CHODL: variants seen among roughly 807,000 people sequenced by gnomAD.
The protein encoded by CHODL is transmembrane protein MT75.
A neutral mutation model predicts 34.5 loss-of-function variants in CHODL; 29 were observed. The ratio of observed to expected loss-of-function variants is 0.84; its 90% CI spans 0.63 to 1.15. The LOEUF (loss-of-function observed/expected upper bound fraction) is 1.15. CHODL is among the 50% of genes most tolerant of loss of function. CHODL has a pLI of 0.00. For missense variants in CHODL, 332 were observed against 332.5 expected (o/e 1.00, Z 0.01); for synonymous variants, 125 against 116.1 (o/e 1.08, Z -0.49).
chr21:18,222,818 G>C (rs1294880887), intron 2 of CHODL, among the ~76,000 whole-genome samples: 2 of 152,114 alleles, frequency 1.3e-5, no homozygotes, highest in Non-Finnish European at 2.9e-5. Flanking sequence ...AGTCTGCTGT[G>C]TGTCTCAAGT....
At chr21:18,071,361 G>T (rs577275602) in intron 2 of CHODL, among the ~76,000 whole-genome samples, 28 of 151,930 alleles carry the variant, frequency 1.8e-4, no homozygotes, top group African/African-American at 6.3e-4. Context: ...TGGCCAGGCT[G>T]GTCTCGAACC....
intron 2 of CHODL, among the ~76,000 whole-genome samples, chr21:18,234,675 G>T (rs2074013002): frequency 6.6e-6 from 1 of 152,002 alleles, no homozygotes; most frequent in African/African-American, 2.4e-5. Context: ...CACAAAGTGG[G>T]TTATCCACAC....
chr21:18,203,920 A>C (rs564586210), intron 2 of CHODL, among the ~76,000 whole-genome samples: 1 of 152,240 alleles, frequency 6.6e-6, no homozygotes, highest in African/African-American at 2.4e-5. Context: ...TTCTTATCTT[A>C]AGTGATTCCC....
At chr21:17,953,933 C>A (rs1306527496) in intron 1 of CHODL, among the ~76,000 whole-genome samples, 2 of 152,080 alleles carry the variant, frequency 1.3e-5, no homozygotes, top group Non-Finnish European at 1.5e-5. Flanking sequence ...TCACTTGAAC[C>A]CGGGAGGTGG....
At chr21:18,131,550 C>T (rs1024129173) in intron 2 of CHODL, among the ~76,000 whole-genome samples, 1 of 151,944 alleles carries the variant, frequency 6.6e-6, no homozygotes, top group Non-Finnish European at 1.5e-5. Context: ...CCCCATTTTC[C>T]CCAGTTATTT....
At chr21:18,088,292 G>A (rs2065031734) in intron 2 of CHODL, among the ~76,000 whole-genome samples, 1 of 152,166 alleles carries the variant, frequency 6.6e-6, no homozygotes, top group African/African-American at 2.4e-5. Context: ...TCATATCAGG[G>A]CAGCAGGGTC....
chr21:17,972,493 C>T (rs1447740213), intron 1 of CHODL, among the ~76,000 whole-genome samples: 1 of 152,064 alleles, frequency 6.6e-6, no homozygotes, highest in Non-Finnish European at 1.5e-5. Flanking sequence ...TCCTATACAC[C>T]AATAATAGAC....
At chr21:17,973,466 G>T (rs1487373670) in intron 1 of CHODL, among the ~76,000 whole-genome samples, 2 of 147,382 alleles carry the variant, frequency 1.4e-5, no homozygotes, top group Non-Finnish European at 3.0e-5. Flanking sequence ...ACCCAGGCTG[G>T]AGTGCAATGG....
chr21:18,023,613 T>C (rs1456250162), intron 1 of CHODL, among the ~76,000 whole-genome samples: 1 of 152,152 alleles, frequency 6.6e-6, no homozygotes, highest in Non-Finnish European at 1.5e-5. Flanking sequence ...CTCATACTGT[T>C]CTGAGTTTGT....
chr21:18,208,535 A>G (rs1388152546), intron 2 of CHODL, among the ~76,000 whole-genome samples: 1 of 151,912 alleles, frequency 6.6e-6, no homozygotes, highest in Admixed American at 6.6e-5. Flanking sequence ...GATGATCTTG[A>G]TGCTTGTGAA....
At chr21:17,935,507 A>T (rs1339936477) in intron 1 of CHODL, among the ~76,000 whole-genome samples, 2 of 152,228 alleles carry the variant, frequency 1.3e-5, no homozygotes, top group Non-Finnish European at 2.9e-5. Flanking sequence ...CGTTTAGACA[A>T]ATTGTACATT....
At chr21:18,192,938 G>A (rs761619512) in intron 2 of CHODL, among the ~76,000 whole-genome samples, 36 of 152,014 alleles carry the variant, frequency 2.4e-4, no homozygotes, top group Non-Finnish European at 4.0e-4. Context: ...AAAAAGAGTA[G>A]GCATTAACTT....
intron 2 of CHODL, among the ~76,000 whole-genome samples, chr21:18,077,660 T>G (rs1049444010): frequency 3.9e-5 from 6 of 152,180 alleles, no homozygotes; most frequent in African/African-American, 1.4e-4. Flanking sequence ...TTTGCCCATT[T>G]TGCAATGTGA....
At chr21:18,171,852 A>G (rs2073236956) in intron 2 of CHODL, among the ~76,000 whole-genome samples, 1 of 151,592 alleles carries the variant, frequency 6.6e-6, no homozygotes, top group Admixed American at 6.6e-5. Flanking sequence ...CCAGCTAATG[A>G]TTGAATTGGA....
At chr21:18,079,231 T>G (rs2146510677) in intron 2 of CHODL, among the ~76,000 whole-genome samples, 1 of 152,092 alleles carries the variant, frequency 6.6e-6, no homozygotes, top group African/African-American at 2.4e-5. Context: ...GGTCTTTAAC[T>G]TTCTGTCTGA....
chr21:17,932,286 A>G (rs568241033), intron 1 of CHODL, among the ~76,000 whole-genome samples: 58 of 152,344 alleles, frequency 3.8e-4, no homozygotes, highest in Middle Eastern at 3.4e-3. Context: ...AATGGCCATT[A>G]TTAAAAAACT....
chr21:18,053,654 C>G (rs2064543475), intron 2 of CHODL, among the ~76,000 whole-genome samples: 1 of 151,736 alleles, frequency 6.6e-6, no homozygotes, highest in Non-Finnish European at 1.5e-5. Context: ...ATATTTATTT[C>G]TTAATATTTA....
intron 1 of CHODL, chr21:18,022,300 G>T (rs1011420232): frequency 6.6e-6 from 1 of 152,114 alleles, no homozygotes; most frequent in Non-Finnish European, 1.5e-5. Context: ...CATCACTCCA[G>T]TATCTGCCTC....
intron 1 of CHODL, among the ~76,000 whole-genome samples, chr21:18,248,009 C>CTTT (rs3077959): frequency 0.012 from 1,773 of 144,246 alleles, 46 homozygotes; most frequent in African/African-American, 0.04. Context: ...TAATGTGTTT[C>CTTT]TTTTTTTTTT....
Sources: allele counts gnomAD v4.1 joint callset (sites outside exome capture counted in the v4.1 genomes callset), GRCh38; gene constraint gnomAD v4.1.1; transcripts MANE v1.5; gene names NCBI Gene and HGNC (gene_info 2026-07-23, HGNC 2026-07-21).